The following BTRC variants were observed in gnomAD, a reference collection of about 807,000 sequenced individuals.
BTRC encodes beta-transducin repeat containing E3 ubiquitin protein ligase.
In BTRC, 42 loss-of-function variants were observed where a neutral mutation model predicts 85.5. The observed-to-expected ratio is 0.49, with a 90% CI of 0.38 to 0.64. The LOEUF (loss-of-function observed/expected upper bound fraction) is 0.64. BTRC is among the 30% of genes least tolerant of loss of function. The pLI is 0.00. For synonymous variants in BTRC, 255 were observed against 263.3 expected (o/e 0.97, Z 0.30); for missense variants, 594 against 743.5 (o/e 0.80, Z 2.34).
At chr10:101,454,256 C>G (rs779359565) in intron 2 of BTRC, among the ~76,000 whole-genome samples, 1 of 152,178 alleles carries the variant, frequency 6.6e-6, no homozygotes, top group South Asian at 2.1e-4. Flanking sequence ...AGTAATCTTT[C>G]AATCTTACTG....
chr10:101,464,737 G>A lies in BTRC; in HGVS notation c.234+2679G>A, dbSNP rs77926285. Among the ~76,000 whole-genome samples the A allele has an allele frequency of 9.9e-3, 1,510 of 152,252 alleles. 22 individuals are homozygous for A. The highest frequency in any genetic ancestry group is 0.034 in the African/African-American group (1,428 of 41,528). On this transcript the variant is annotated intron_variant, in intron 3 of 14. Transcript: ENST00000370187. The stretch of plus-strand genomic sequence containing the variant: ...AATGGCCTTTAGAAACAGGGAAGTA[G>A]GAGATCCTCCTGGGGCCCTCAGAGT...
chr10:101,435,023 G>A (rs180979145), intron 2 of BTRC, among the ~76,000 whole-genome samples: 1 of 151,800 alleles, frequency 6.6e-6, no homozygotes, highest in Admixed American at 6.6e-5. Context: ...TTCTATGTCA[G>A]GTTCAGCACA....
Position 101,535,463 on chromosome 10 carries a change from A to C in BTRC, c.1457A>C (p.Asn486Thr). 1 of 1,609,968 alleles carries C rather than the reference A, an allele frequency of 6.2e-7. No individual in the cohort carries two copies. Among genetic ancestry groups the C allele is most frequent in the South Asian group, 1.1e-5 (1 of 90,822 alleles). The change falls in exon 11 of 15, where the codon AAC (asparagine) becomes ACC (threonine). Residue 486 changes from asparagine to threonine, a missense_variant. Physicochemically the swap from Asn to Thr is moderately conservative, Grantham distance 65. Coordinates refer to ENST00000370187, the MANE Select transcript of BTRC (RefSeq NM_033637.4). ...DRLVVSGSSDNTIRLWDIECG... is the reference protein window; with the variant it reads ...DRLVVSGSSDTTIRLWDIECG... ...CTGGTAGTGAGTGGCTCATCTGACA[A>C]CACTATCAGGTGAGCAGCAAGTGCC... is the stretch of plus-strand genomic sequence containing the variant.
At position 101,377,065 on chromosome 10, in the gene BTRC, T is replaced by G. The variant is rs557280429; in HGVS notation, c.48+22837T>G. The stretch of plus-strand genomic sequence containing the variant: ...ATTGTATCACTCCCCCGCAAAAAAC[T>G]CTTATACTCTTCCTCCACCTCTAAC... On this transcript the variant is annotated intron_variant, in intron 1 of 14. Coordinates refer to ENST00000370187, the MANE Select transcript of BTRC (RefSeq NM_033637.4). Among the ~76,000 whole-genome samples, 9 of 152,276 alleles carry G rather than the reference T, an allele frequency of 5.9e-5. No homozygotes were observed. In the South Asian group the frequency reaches 1.9e-3, roughly 32 times the overall value.
At chr10:101,551,529 T>C (rs1179564092) in intron 14 of BTRC, among the ~76,000 whole-genome samples, 4 of 152,172 alleles carry the variant, frequency 2.6e-5, no homozygotes, top group African/African-American at 7.2e-5. Context: ...TCCATACATA[T>C]TGTGGTATAT....
intron 3 of BTRC, among the ~76,000 whole-genome samples, chr10:101,477,912 AGT>A (rs1945732513): frequency 6.6e-6 from 1 of 152,062 alleles, no homozygotes; most frequent in South Asian, 2.1e-4. Context: ...GGCTTCCCAA[AGT>A]GTTAGGATTA....
chr10:101,497,991 G>A (rs1946307433), intron 4 of BTRC, among the ~76,000 whole-genome samples: 1 of 152,094 alleles, frequency 6.6e-6, no homozygotes, highest in African/African-American at 2.4e-5. Context: ...CTGCACTCCA[G>A]CCTGGTGACA....
At chr10:101,433,790 C>A (rs1197797410) in intron 2 of BTRC, among the ~76,000 whole-genome samples, 2 of 152,204 alleles carry the variant, frequency 1.3e-5, no homozygotes, top group South Asian at 4.1e-4. Context: ...AGATATGTTA[C>A]TCTGGCTATA....
chr10:101,375,212 C>A, intron 1 of BTRC, among the ~76,000 whole-genome samples: 1 of 152,156 alleles, frequency 6.6e-6, no homozygotes, highest in East Asian at 1.9e-4. Flanking sequence ...GTGCTGTTTT[C>A]GTGATAGAGT....
At chr10:101,360,661 G>T (rs755297141) in intron 1 of BTRC, among the ~76,000 whole-genome samples, 1 of 152,040 alleles carries the variant, frequency 6.6e-6, no homozygotes, top group Non-Finnish European at 1.5e-5. Flanking sequence ...ATTAGCTACC[G>T]CGTCTGGCCT....
intron 2 of BTRC, among the ~76,000 whole-genome samples, chr10:101,442,635 GA>G (rs777125606): frequency 6.6e-6 from 1 of 151,740 alleles, no homozygotes; most frequent in African/African-American, 2.4e-5. Flanking sequence ...TTTAACTGGT[GA>G]AAAAAAATCG....
intron 1 of BTRC, among the ~76,000 whole-genome samples, chr10:101,420,412 A>C (rs1944068469): frequency 6.8e-6 from 1 of 148,020 alleles, no homozygotes; most frequent in African/African-American, 2.5e-5. Flanking sequence ...CACCCTCCTC[A>C]CTCCACTGGG....
At chr10:101,372,525 AT>A (rs1942668677) in intron 1 of BTRC, among the ~76,000 whole-genome samples, 1 of 139,938 alleles carries the variant, frequency 7.1e-6, no homozygotes, top group Non-Finnish European at 1.6e-5. Flanking sequence ...AAGTGTTGGG[AT>A]TACAGGTGTG....
chr10:101,462,808 G>A (rs1945264255), intron 3 of BTRC, among the ~76,000 whole-genome samples: 1 of 152,008 alleles, frequency 6.6e-6, no homozygotes, highest in South Asian at 2.1e-4. Context: ...AGAAACGCAA[G>A]TTCTTATGAT....
chr10:101,398,463 C>T (rs1483655551), intron 1 of BTRC, among the ~76,000 whole-genome samples: 1 of 152,006 alleles, frequency 6.6e-6, no homozygotes, highest in Non-Finnish European at 1.5e-5. Context: ...ACACTGTGCC[C>T]AGATAATGTT....
At chr10:101,489,076 C>A (rs1946063506) in intron 4 of BTRC, among the ~76,000 whole-genome samples, 1 of 152,064 alleles carries the variant, frequency 6.6e-6, no homozygotes, top group African/African-American at 2.4e-5. Flanking sequence ...ATCTCCCTAC[C>A]CTCTTCCCTG....
intron 1 of BTRC, among the ~76,000 whole-genome samples, chr10:101,421,228 T>A (rs1944092218): frequency 6.6e-6 from 1 of 152,144 alleles, no homozygotes; most frequent in Non-Finnish European, 1.5e-5. Context: ...ATTACTTTAA[T>A]GAATATAATA....
At chr10:101,396,754 TTG>T (rs869030441) in intron 1 of BTRC, among the ~76,000 whole-genome samples, 1 of 64,126 alleles carries the variant, frequency 1.6e-5, no homozygotes, top group South Asian at 3.8e-4. Flanking sequence ...TTGTTGATGT[TTG>T]TTTTTACATG....
chr10:101,457,362 A>G (rs535816880), intron 2 of BTRC, among the ~76,000 whole-genome samples: 1 of 152,324 alleles, frequency 6.6e-6, no homozygotes, highest in South Asian at 2.1e-4. Flanking sequence ...GGATGTCAGG[A>G]GCAGACAATG....
Sources: allele counts gnomAD v4.1 joint callset (sites outside exome capture counted in the v4.1 genomes callset), GRCh38; gene constraint gnomAD v4.1.1; transcripts MANE v1.5; gene names NCBI Gene and HGNC (gene_info 2026-07-23, HGNC 2026-07-21).